Variants in RORA observed in about 807,000 individuals in gnomAD.
RORA encodes the protein nuclear receptor ROR-alpha.
RORA carries 7 observed loss-of-function variants against 69.5 expected under a neutral mutation model. That is an observed-to-expected ratio of 0.10 (90% CI 0.06 to 0.19). The LOEUF (loss-of-function observed/expected upper bound fraction) is 0.19. Among genes scored for constraint, RORA ranks in the 10% least tolerant of loss-of-function variants. RORA has a pLI of 1.00. For synonymous variants in RORA, 261 were observed against 240.8 expected (o/e 1.08, Z -0.78); for missense variants, 457 against 663.0 (o/e 0.69, Z 3.41).
At chr15:61,070,885 C>A (rs79960865) in intron 1 of RORA, among the ~76,000 whole-genome samples, 8,103 of 152,088 alleles carry the variant, frequency 0.053, 257 homozygotes, top group Middle Eastern at 0.085. Context: ...ATAGCTTCTA[C>A]CTGGAGATGC....
At position 60,963,574 on chromosome 15, in the gene RORA, A is replaced by C. The variant is rs143578611; in HGVS notation, c.166+265479T>G. 5.8e-3 allele frequency among the ~76,000 whole-genome samples: 889 copies of C among 152,316 alleles called. 6 individuals carry two copies. Among genetic ancestry groups the C allele is most frequent in the Middle Eastern group, 0.01 (3 of 294 alleles). ...CCTGGACGGGGTAAGCCAATAAAGA[A>C]ATTGCACTTATTTGTGAGGTTTCCC... On this transcript the variant is annotated intron_variant, in intron 1 of 10. Coordinates refer to ENST00000335670, the MANE Select transcript of RORA (RefSeq NM_134261.3).
At chr15:61,013,195 C>T (rs1213155377) in intron 1 of RORA, among the ~76,000 whole-genome samples, 1 of 152,168 alleles carries the variant, frequency 6.6e-6, no homozygotes, top group African/African-American at 2.4e-5. Flanking sequence ...ATAATGGAAA[C>T]GATAATATGT....
intron 1 of RORA, among the ~76,000 whole-genome samples, chr15:61,105,241 T>C (rs900439815): frequency 6.6e-6 from 1 of 152,158 alleles, no homozygotes; most frequent in African/African-American, 2.4e-5. Flanking sequence ...TTGGGTATTA[T>C]ATATAGTATT....
intron 1 of RORA, among the ~76,000 whole-genome samples, chr15:61,051,251 G>C (rs1645756840): frequency 6.6e-6 from 1 of 152,160 alleles, no homozygotes; most frequent in Non-Finnish European, 1.5e-5. Context: ...AATCTGGAAG[G>C]TTTTGACAAA....
At chr15:60,714,835 A>G (rs1596148592) in intron 1 of RORA, among the ~76,000 whole-genome samples, 1 of 152,166 alleles carries the variant, frequency 6.6e-6, no homozygotes, top group East Asian at 1.9e-4. Flanking sequence ...AAATTATTTT[A>G]TAGACTGAAT....
At chr15:61,202,482 A>G (rs547851429) in intron 1 of RORA, among the ~76,000 whole-genome samples, 2 of 152,296 alleles carry the variant, frequency 1.3e-5, no homozygotes, top group South Asian at 4.1e-4. Context: ...CAAAGCAAAA[A>G]GAATAAGAAG....
chr15:60,841,818 A>C (rs541741141), intron 1 of RORA, among the ~76,000 whole-genome samples: 2 of 152,288 alleles, frequency 1.3e-5, no homozygotes, highest in African/African-American at 4.8e-5. Context: ...TTGTGAGGAA[A>C]GTAGAAACCA....
chr15:60,804,023 C>T (rs1283527613), intron 1 of RORA, among the ~76,000 whole-genome samples: 1 of 152,088 alleles, frequency 6.6e-6, no homozygotes, highest in African/African-American at 2.4e-5. Flanking sequence ...GGTGCAGTGG[C>T]TCATGCCTGT....
At chr15:60,970,606 C>A (rs1215611496) in intron 1 of RORA, among the ~76,000 whole-genome samples, 3 of 152,154 alleles carry the variant, frequency 2.0e-5, no homozygotes, top group African/African-American at 4.8e-5. Context: ...TGGTTTGAAA[C>A]CTGTTTCACA....
chr15:60,787,339 C>T (rs2072350666), intron 1 of RORA, among the ~76,000 whole-genome samples: 1 of 152,186 alleles, frequency 6.6e-6, no homozygotes, highest in Non-Finnish European at 1.5e-5. Flanking sequence ...AAAGGTTGTA[C>T]CCGCCTCGAA....
At chr15:61,101,269 AAC>A (rs1210867270) in intron 1 of RORA, among the ~76,000 whole-genome samples, 1 of 152,214 alleles carries the variant, frequency 6.6e-6, no homozygotes, top group East Asian at 1.9e-4. Flanking sequence ...ACAGACAATG[AAC>A]AAGTAATCAC....
chr15:61,190,831 A>ATG (rs978237951), intron 1 of RORA, among the ~76,000 whole-genome samples: 21 of 151,996 alleles, frequency 1.4e-4, no homozygotes, highest in Admixed American at 2.0e-4. Flanking sequence ...GCTTGCATGT[A>ATG]TGTGTGTGTG....
chr15:60,855,321 C>T (rs186673065), intron 1 of RORA, among the ~76,000 whole-genome samples: 302 of 152,284 alleles, frequency 2.0e-3, no homozygotes, highest in Non-Finnish European at 3.4e-3. Context: ...AACATGGAAA[C>T]CACATGACAG....
chr15:60,835,316 G>C (rs73428364), intron 1 of RORA, among the ~76,000 whole-genome samples: 206 of 152,306 alleles, frequency 1.4e-3, no homozygotes, highest in African/African-American at 4.7e-3. Context: ...GGAAAGTATA[G>C]CCTGGGGCCA....
intron 1 of RORA, among the ~76,000 whole-genome samples, chr15:61,185,832 C>T (rs2079736035): frequency 1.3e-5 from 2 of 152,086 alleles, no homozygotes; most frequent in Non-Finnish European, 2.9e-5. Context: ...AGTCACACAC[C>T]CTTCTCTCTG....
At chr15:60,769,222 A>C (rs536431940) in intron 1 of RORA, among the ~76,000 whole-genome samples, 1 of 152,326 alleles carries the variant, frequency 6.6e-6, no homozygotes, top group African/African-American at 2.4e-5. Flanking sequence ...ATAATCTTTA[A>C]TTGAGTTAGA....
intron 1 of RORA, among the ~76,000 whole-genome samples, chr15:61,156,945 T>A (rs1416353014): frequency 6.6e-6 from 1 of 152,170 alleles, no homozygotes; most frequent in Non-Finnish European, 1.5e-5. Flanking sequence ...AGAACCTGGG[T>A]ACTGCCAGAG....
intron 1 of RORA, among the ~76,000 whole-genome samples, chr15:60,700,542 G>A (rs1011427748): frequency 2.0e-5 from 3 of 150,776 alleles, no homozygotes; most frequent in Middle Eastern, 3.4e-3. Context: ...ACTTCATGAC[G>A]GGGAAAGAAC....
At chr15:60,811,319 G>A (rs538337784) in intron 1 of RORA, among the ~76,000 whole-genome samples, 1 of 152,144 alleles carries the variant, frequency 6.6e-6, no homozygotes, top group South Asian at 2.1e-4. Flanking sequence ...CATGGCACTG[G>A]GTTCTGTGAT....
Sources: gnomAD v4.1 joint callset for allele counts (sites outside exome capture counted in the v4.1 genomes callset) on GRCh38, gnomAD v4.1.1 for gene constraint, MANE v1.5 for transcripts, NCBI Gene and HGNC (gene_info 2026-07-23, HGNC 2026-07-21) for gene names.